Variants in CDCP1 observed in about 807,000 individuals in gnomAD.
The protein encoded by CDCP1 is CUB domain containing protein 1.
A neutral mutation model predicts 60.2 loss-of-function variants in CDCP1; 29 were observed. The ratio of observed to expected loss-of-function variants is 0.48; its 90% CI spans 0.36 to 0.66. The LOEUF is 0.66. Among genes scored for constraint, CDCP1 ranks in the 30% least tolerant of loss-of-function variants. CDCP1 has a pLI of 0.00. For synonymous variants in CDCP1, 387 were observed against 431.1 expected, an observed-to-expected ratio of 0.90 and a Z score of 1.27; for missense variants, 876 against 1,074.3, an observed-to-expected ratio of 0.82 and a Z score of 2.58.
At chr3:45,137,966 G>C (rs946304249) in intron 1 of CDCP1, among the ~76,000 whole-genome samples, 2 of 152,190 alleles carry the variant, frequency 1.3e-5, no homozygotes, top group East Asian at 1.9e-4. Context: ...GGCCCTGCCA[G>C]GTTTCCCTCC....
Position 45,093,375 on chromosome 3 carries a change from T to A in CDCP1, c.1529A>T (p.Lys510Met), listed in dbSNP as rs1698334933. The A allele has an allele frequency of 6.2e-7, 1 of 1,614,230 alleles. No individual in the cohort carries two copies. Reference protein sequence around the residue: ...PGGSIKQIQVKQNISVTLRTF... With the variant: ...PGGSIKQIQVMQNISVTLRTF... ...GCGAAGGGTCACCGAGATGTTCTGC[T>A]TCACCTGGATCTGCTTGATAGAGCC... The change falls in exon 6 of 9, where the codon AAG (lysine) becomes ATG (methionine). Residue 510 changes from lysine to methionine, a missense_variant. This residue lies in a region of CDCP1 where 726 missense variants were observed against 935.7 expected (regional missense o/e 0.78). Coordinates refer to ENST00000296129, the MANE Select transcript of CDCP1 (RefSeq NM_022842.5).
chr3:45,145,778 A>G (rs1649042869), intron 1 of CDCP1, among the ~76,000 whole-genome samples: 2 of 152,124 alleles, frequency 1.3e-5, no homozygotes, highest in Non-Finnish European at 2.9e-5. Flanking sequence ...CTGGAGAGGA[A>G]AGATCTCTTC....
rs998324858 is a variant in CDCP1 at position 45,112,583 on chromosome 3, G to T, written c.293-138C>A. ...GCCTTTACCAGGCAGGGGCACCCAG[G>T]CCCCAACTGCTGTGAGTCTTAGTGG... On this transcript the variant is annotated intron_variant, in intron 2 of 8. Transcript: ENST00000296129. 7 of 1,203,906 alleles carry T rather than the reference G, an allele frequency of 5.8e-6. No homozygotes were observed. In the Admixed American group the frequency reaches 6.9e-5, roughly 12 times the overall value. The allele number at this position is 1,203,906 out of a possible 1,614,324, so 74.6% of individuals were successfully genotyped here.
At chr3:45,110,171 T>C in intron 4 of CDCP1, 1 of 1,213,180 alleles carries the variant, frequency 8.2e-7, no homozygotes, top group Non-Finnish European at 1.0e-6. Flanking sequence ...TCATTCACAT[T>C]GCAGGGTCAA....
At chr3:45,108,065 C>T (rs1430325490) in intron 4 of CDCP1, among the ~76,000 whole-genome samples, 1 of 151,744 alleles carries the variant, frequency 6.6e-6, no homozygotes, top group African/African-American at 2.4e-5. Context: ...TTACAGTGAG[C>T]TGAGAGCCGA....
At chr3:45,112,891 C>T (rs1698724528) in intron 2 of CDCP1, among the ~76,000 whole-genome samples, 1 of 152,238 alleles carries the variant, frequency 6.6e-6, no homozygotes, top group African/African-American at 2.4e-5. Context: ...ACGTGCCCTG[C>T]TCTATCCTGC....
intron 5 of CDCP1, among the ~76,000 whole-genome samples, 200 bp downstream of exon 5, chr3:45,095,147 T>C (rs938528980): frequency 6.6e-6 from 1 of 152,194 alleles, no homozygotes; most frequent in Non-Finnish European, 1.5e-5. Context: ...TTGGCCAGGC[T>C]GGTCTTGAAC....
chr3:45,142,460 C>T (rs979204507), intron 1 of CDCP1, among the ~76,000 whole-genome samples: 7 of 152,224 alleles, frequency 4.6e-5, no homozygotes, highest in African/African-American at 1.7e-4. Context: ...CCCAGCAACA[C>T]TGTCCAGATT....
chr3:45,082,916 T>G lies in CDCP1; in HGVS notation c.*2722A>C, dbSNP rs561214894. The G allele has an allele frequency of 6.6e-6, 1 of 152,322 alleles. No homozygotes were observed. The highest frequency in any genetic ancestry group is 2.1e-4 in the South Asian group (1 of 4,828). 9.4% of individuals were successfully genotyped at this position (152,322 alleles called of 1,614,324 possible). A position where few individuals can be genotyped will look rare whatever the true frequency, so the allele number is the denominator to read the frequency against. On this transcript the variant is annotated 3_prime_UTR_variant, in exon 9 of 9. Transcript: ENST00000296129. ...CCAGGGTTCCTCAGGCTGGGCCCCT[T>G]CACTGAGGCACAGCTCCAGGAAATA...
In CDCP1 at chr3:45,125,144, A is replaced by G. The variant is rs146059385; in HGVS notation, c.83-6523T>C. ...AACTGTGAGATGACTGTCAGGAAGGACAGATGGAAGGAATAGCAGGTGCAA... is the reference window on the plus strand; with the variant it reads ...AACTGTGAGATGACTGTCAGGAAGGGCAGATGGAAGGAATAGCAGGTGCAA... On this transcript the variant is annotated intron_variant, in intron 1 of 8. Transcript: ENST00000296129. Among the ~76,000 whole-genome samples the G allele has an allele frequency of 7.9e-5, 12 of 152,314 alleles. No individual in the cohort carries two copies. In the East Asian group the frequency reaches 2.3e-3, roughly 29 times the overall value.
At chr3:45,133,930 G>A (rs541458555) in intron 1 of CDCP1, among the ~76,000 whole-genome samples, 3 of 151,964 alleles carry the variant, frequency 2.0e-5, no homozygotes, top group African/African-American at 4.8e-5. Flanking sequence ...CTTTACTTCC[G>A]ATACTTTGGC....
intron 1 of CDCP1, among the ~76,000 whole-genome samples, chr3:45,132,297 CT>C (rs1255701191): frequency 6.6e-6 from 1 of 151,920 alleles, no homozygotes; most frequent in Non-Finnish European, 1.5e-5. Flanking sequence ...AAGCCATGAG[CT>C]GCTTAAACTA....
At chr3:45,140,214 C>T (rs1044379667) in intron 1 of CDCP1, among the ~76,000 whole-genome samples, 3 of 152,218 alleles carry the variant, frequency 2.0e-5, no homozygotes, top group African/African-American at 7.2e-5. Flanking sequence ...ATAAAGACAA[C>T]AGCCCGACTT....
intron 1 of CDCP1, among the ~76,000 whole-genome samples, chr3:45,131,115 G>A (rs1699086285): frequency 1.3e-5 from 2 of 151,540 alleles, no homozygotes; most frequent in Non-Finnish European, 2.9e-5. Flanking sequence ...TCAAGCTTTA[G>A]CCTCCCCAAA....
chr3:45,110,462 G>A lies in CDCP1; in HGVS notation c.1024+11C>T, dbSNP rs1559393306. 4.3e-6 allele frequency: 7 copies of A among 1,612,826 alleles called. No individual in the cohort carries two copies. The highest frequency in any genetic ancestry group is 1.1e-5 in the South Asian group (1 of 91,046). ...GGAGGAGGAAGAAAAAGGAAAGTGGGGCTCACTCACTGCTTTCATTTTGTG... is the reference window on the plus strand; with the variant it reads ...GGAGGAGGAAGAAAAAGGAAAGTGGAGCTCACTCACTGCTTTCATTTTGTG... On this transcript the variant is annotated intron_variant, in intron 4 of 8. Coordinates refer to ENST00000296129, the MANE Select transcript of CDCP1 (RefSeq NM_022842.5).
chr3:45,085,543 A>T lies in CDCP1; in HGVS notation c.*95T>A. 2.3e-6 allele frequency: 3 copies of T among 1,310,416 alleles called. No homozygotes were observed. The highest frequency in any genetic ancestry group is 3.2e-6 in the Non-Finnish European group (3 of 943,574). 81.2% of individuals were successfully genotyped at this position (1,310,416 alleles called of 1,614,324 possible). A position where few individuals can be genotyped will look rare whatever the true frequency, so the allele number is the denominator to read the frequency against. Reference sequence around the variant, plus strand: ...AAACCTCCTGCTGTTCCTTCTGTATAATTCCTCTTCTTTAGGATTTCTGGT... The same window carrying T: ...AAACCTCCTGCTGTTCCTTCTGTATTATTCCTCTTCTTTAGGATTTCTGGT... On this transcript the variant is annotated 3_prime_UTR_variant, in exon 9 of 9. Coordinates refer to ENST00000296129, the MANE Select transcript of CDCP1 (RefSeq NM_022842.5). The surrounding 1 kb of genome is among the most constrained non-coding windows in gnomAD (Gnocchi z 4.2).
At chr3:45,137,924 T>A (rs1024173236) in intron 1 of CDCP1, among the ~76,000 whole-genome samples, 1 of 151,946 alleles carries the variant, frequency 6.6e-6, no homozygotes, top group Non-Finnish European at 1.5e-5. Context: ...TCCAGAGTAA[T>A]CCTCCATCTC....
intron 6 of CDCP1, among the ~76,000 whole-genome samples, chr3:45,092,951 G>A (rs1012320498): frequency 1.3e-5 from 2 of 152,160 alleles, no homozygotes; most frequent in African/African-American, 2.4e-5. Context: ...TTAAAAATCC[G>A]GGACTGGGGA....
intron 1 of CDCP1, among the ~76,000 whole-genome samples, chr3:45,119,406 C>T (rs559338576): frequency 7.9e-5 from 12 of 152,302 alleles, no homozygotes; most frequent in African/African-American, 2.9e-4. Context: ...GAGCCACTTT[C>T]TCCTTAGCTG....
Sources: gnomAD v4.1 joint callset for allele counts (sites outside exome capture counted in the v4.1 genomes callset) on GRCh38, gnomAD v4.1.1 for gene constraint, gnomAD v4.1.1 regional missense constraint, Gnocchi (gnomAD v3.1) non-coding constraint, MANE v1.5 for transcripts, NCBI Gene and HGNC (gene_info 2026-07-23, HGNC 2026-07-21) for gene names.